ZNF521: variants seen among roughly 807,000 people sequenced by gnomAD.
ZNF521 encodes the protein zinc finger protein 521.
Under a neutral mutation model 105.5 loss-of-function variants are expected in ZNF521, and 14 were observed. That is an observed-to-expected ratio of 0.13 (90% CI 0.09 to 0.21). ZNF521 has a LOEUF of 0.21. ZNF521 is among the 10% of genes least tolerant of loss of function. The probability of loss-of-function intolerance (pLI) is 1.00; values close to 1 mark genes in which losing one functional copy is unlikely to be tolerated. For missense variants in ZNF521, 1,233 were observed against 1,629.7 expected (o/e 0.76, Z 4.19); for synonymous variants, 635 against 606.0 (o/e 1.05, Z -0.70).
chr18:25,136,274 T>C (rs371943075), intron 5 of ZNF521, among the ~76,000 whole-genome samples: 2 of 152,206 alleles, frequency 1.3e-5, no homozygotes, highest in Non-Finnish European at 2.9e-5. Context: ...ATATAGTCCC[T>C]ATTTTACATC....
At chr18:25,140,229 C>T (rs1373257780) in intron 5 of ZNF521, among the ~76,000 whole-genome samples, 1 of 152,174 alleles carries the variant, frequency 6.6e-6, no homozygotes, top group Admixed American at 6.5e-5. Flanking sequence ...TTCTTAGCTT[C>T]CCTTTCTTAT....
chr18:25,143,698 AAC>A (rs1285354080), intron 5 of ZNF521, among the ~76,000 whole-genome samples: 1 of 152,172 alleles, frequency 6.6e-6, no homozygotes, highest in Non-Finnish European at 1.5e-5. Context: ...TTAAAAAAGA[AAC>A]AACGTGTTTT....
intron 5 of ZNF521, among the ~76,000 whole-genome samples, chr18:25,151,644 C>G (rs1184250513): frequency 6.6e-6 from 1 of 152,124 alleles, no homozygotes; most frequent in African/African-American, 2.4e-5. Flanking sequence ...CTCTGCACCC[C>G]ACTCCCTTAG....
At chr18:25,351,050 C>G in intron 1 of ZNF521, 103 bp from the exon 2 acceptor site, 2 of 873,854 alleles carry the variant, frequency 2.3e-6, no homozygotes, top group Non-Finnish European at 3.0e-6. Flanking sequence ...GCCCTCCGCT[C>G]GGCCTCCCTC....
At chr18:25,342,645 G>T (rs1341311709) in intron 2 of ZNF521, among the ~76,000 whole-genome samples, 1 of 151,620 alleles carries the variant, frequency 6.6e-6, no homozygotes, top group African/African-American at 2.4e-5. Context: ...AGCCAGGATG[G>T]TCTCGATCTC....
intron 4 of ZNF521, chr18:25,201,856 GA>G (rs930442190): frequency 5.9e-5 from 9 of 152,038 alleles, no homozygotes; most frequent in African/African-American, 2.2e-4. Flanking sequence ...CTCTGCAAAT[GA>G]AAAAATAATA....
At position 25,106,814 on chromosome 18, in the gene ZNF521, G is replaced by T. The variant is rs905723240; in HGVS notation, c.3659-14733C>A. ...TTAGTAAGCAGATCATTACTAGTGA[G>T]TCCAGTTTTATAATCTGTCATCTTT... On this transcript the variant is annotated intron_variant, in intron 5 of 7. Coordinates refer to ENST00000361524, the MANE Select transcript of ZNF521 (RefSeq NM_015461.3). 2.6e-5 allele frequency among the ~76,000 whole-genome samples: 4 copies of T among 152,060 alleles called. No individual in the cohort carries two copies. In the East Asian group the frequency reaches 5.8e-4, roughly 22 times the overall value.
At chr18:25,223,873 G>A (rs1905904645) in intron 4 of ZNF521, among the ~76,000 whole-genome samples, 1 of 152,078 alleles carries the variant, frequency 6.6e-6, no homozygotes, top group South Asian at 2.1e-4. Context: ...AGTGAGTGTT[G>A]ACAACATGGC....
At chr18:25,332,985 C>T (rs890653439) in intron 2 of ZNF521, among the ~76,000 whole-genome samples, 15 of 151,864 alleles carry the variant, frequency 9.9e-5, no homozygotes, top group African/African-American at 3.4e-4. Context: ...GTCTCAATCT[C>T]GACTTGTCAG....
At chr18:25,351,259 G>A (rs1598502064) in intron 1 of ZNF521, 2 of 148,166 alleles carry the variant, frequency 1.3e-5, no homozygotes, top group Admixed American at 6.7e-5. Context: ...AAAAGGAAAG[G>A]AGGGAAAAAA....
intron 5 of ZNF521, among the ~76,000 whole-genome samples, chr18:25,174,406 T>C (rs954505245): frequency 6.6e-6 from 1 of 152,186 alleles, no homozygotes; most frequent in Non-Finnish European, 1.5e-5. Context: ...TATCACTCCA[T>C]TCCACGTGAA....
At chr18:25,066,045 A>G (rs1599953880) in intron 7 of ZNF521, among the ~76,000 whole-genome samples, 1 of 152,240 alleles carries the variant, frequency 6.6e-6, no homozygotes, top group African/African-American at 2.4e-5. Context: ...AATGTAAGTA[A>G]TATCAACCTA....
intron 5 of ZNF521, among the ~76,000 whole-genome samples, chr18:25,096,719 C>T (rs899255627): frequency 5.9e-5 from 9 of 152,164 alleles, no homozygotes; most frequent in Non-Finnish European, 8.8e-5. Flanking sequence ...CAATTTGTAA[C>T]AGTTTATAAG....
At chr18:25,063,484 G>A (rs896874862) in intron 7 of ZNF521, among the ~76,000 whole-genome samples, 1 of 152,110 alleles carries the variant, frequency 6.6e-6, no homozygotes, top group Admixed American at 6.5e-5. Context: ...ATGCTAGCAT[G>A]TCCCCTTTCT....
chr18:25,257,841 G>A (rs193245263), intron 3 of ZNF521, among the ~76,000 whole-genome samples: 2 of 152,148 alleles, frequency 1.3e-5, no homozygotes, highest in East Asian at 1.9e-4. Context: ...CCATTATAAC[G>A]GGTGAAGCTC....
At chr18:25,152,524 T>C (rs557419523) in intron 5 of ZNF521, among the ~76,000 whole-genome samples, 2 of 151,794 alleles carry the variant, frequency 1.3e-5, no homozygotes, top group Admixed American at 1.3e-4. Flanking sequence ...AGCTATCCTC[T>C]AGTGATCTCT....
chr18:25,234,945 ATAT>A (rs949042033), intron 3 of ZNF521, among the ~76,000 whole-genome samples: 6 of 152,136 alleles, frequency 3.9e-5, no homozygotes, highest in East Asian at 1.9e-4. Context: ...TTTATTAACA[ATAT>A]TATTATTCTT....
chr18:25,346,302 C>T (rs141719177), intron 2 of ZNF521, among the ~76,000 whole-genome samples: 1 of 151,568 alleles, frequency 6.6e-6, no homozygotes, highest in African/African-American at 2.4e-5. Context: ...GGTTATACTT[C>T]ACCTGTCTAC....
chr18:25,330,987 G>A (rs1046992119), intron 2 of ZNF521, among the ~76,000 whole-genome samples: 1 of 152,194 alleles, frequency 6.6e-6, no homozygotes, highest in Admixed American at 6.5e-5. Context: ...AGGGCTTAAA[G>A]TAAAATACCC....
Sources: gnomAD v4.1 joint callset for allele counts (sites outside exome capture counted in the v4.1 genomes callset) on GRCh38, gnomAD v4.1.1 for gene constraint, MANE v1.5 for transcripts, NCBI Gene and HGNC (gene_info 2026-07-23, HGNC 2026-07-21) for gene names.